Variants in SKA3 observed in about 807,000 individuals in gnomAD.
SKA3 encodes spindle and kinetochore associated complex subunit 3, also known as spindle and kinetochore-associated protein 3.
Under a neutral mutation model 44.2 loss-of-function variants are expected in SKA3, and 39 were observed. The ratio of observed to expected loss-of-function variants is 0.88; its 90% confidence interval spans 0.68 to 1.15. SKA3 has a LOEUF of 1.15. Ranked by LOEUF, SKA3 falls within the 50% of genes most tolerant of loss-of-function variation. The pLI is 0.00. For missense variants in SKA3, 511 were observed against 485.8 expected, an observed-to-expected ratio of 1.05 and a Z score of -0.49; for synonymous variants, 192 against 172.0, an observed-to-expected ratio of 1.12 and a Z score of -0.91.
chr13:21,161,721 G>A, intron 5 of SKA3, 69 bp downstream of exon 5: 2 of 949,784 alleles, frequency 2.1e-6, no homozygotes, highest in South Asian at 3.9e-5. Flanking sequence ...CTAAGATGAT[G>A]AAATCAATTT....
chr13:21,163,663 C>T (rs1229727298), intron 4 of SKA3, among the ~76,000 whole-genome samples: 1 of 152,130 alleles, frequency 6.6e-6, no homozygotes, highest in Non-Finnish European at 1.5e-5. Flanking sequence ...AAATATGCAT[C>T]TGGATAGTTG....
At chr13:21,161,718 G>T in intron 5 of SKA3, 72 bp downstream of exon 5, 1 of 910,944 alleles carries the variant, frequency 1.1e-6, no homozygotes, top group South Asian at 2.0e-5. Context: ...TGTCTAAGAT[G>T]ATGAAATCAA....
chr13:21,173,324 T>A (rs1283840573), intron 1 of SKA3, among the ~76,000 whole-genome samples: 1 of 152,218 alleles, frequency 6.6e-6, no homozygotes, highest in East Asian at 1.9e-4. Flanking sequence ...TGGTGCGATC[T>A]TGGCTCACTG....
intron 1 of SKA3, 145 bp from the exon 2 acceptor site, chr13:21,172,826 T>A (rs755441216): frequency 2.0e-5 from 7 of 346,482 alleles, no homozygotes; most frequent in Non-Finnish European, 5.3e-6. Flanking sequence ...GATAATACCA[T>A]ATTTTTTACC....
chr13:21,172,228 A>T, intron 3 of SKA3, 111 bp downstream of exon 3: 1 of 592,918 alleles, frequency 1.7e-6, no homozygotes, highest in South Asian at 3.1e-5. Flanking sequence ...TAAGCGTCAG[A>T]TAACAACAGA....
intron 1 of SKA3, 98 bp from the exon 2 acceptor site, chr13:21,172,779 G>A: frequency 1.5e-6 from 1 of 676,386 alleles, no homozygotes; most frequent in Non-Finnish European, 2.4e-6. Flanking sequence ...TAATGACATT[G>A]GTCAATCACA....
intron 4 of SKA3, 62 bp downstream of exon 4, chr13:21,167,926 A>G: frequency 2.6e-6 from 3 of 1,162,006 alleles, no homozygotes; most frequent in Non-Finnish European, 3.2e-6. Flanking sequence ...TGGAAAAAAA[A>G]TCAATAAATA....
chr13:21,155,250 A>ATAT, intron 8 of SKA3, 100 bp from the exon 9 acceptor site: 3 of 841,402 alleles, frequency 3.6e-6, no homozygotes, highest in Non-Finnish European at 5.1e-6. Context: ...CTTATAAAAT[A>ATAT]ATTGAGGATA....
chr13:21,160,060 A>C, intron 5 of SKA3, 73 bp from the exon 6 acceptor site: 308 of 895,244 alleles, frequency 3.4e-4, no homozygotes, highest in Non-Finnish European at 4.5e-4. Context: ...AGAAAATCTC[A>C]TATTTACATA....
At position 21,166,952 on chromosome 13, in the gene SKA3, A is replaced by G. The variant is rs182647260; in HGVS notation, c.743+1036T>C. ...TTTGTTATCCTTCTTTAATAGTAAC[A>G]GTTTTTAATGATAAGTATTTATCTA... On this transcript the variant is annotated intron_variant, in intron 4 of 8. Transcript: ENST00000314759. 1.4e-3 allele frequency among the ~76,000 whole-genome samples: 219 copies of G among 152,222 alleles called. 2 individuals are homozygous for G. The highest frequency in any genetic ancestry group is 5.2e-3 in the African/African-American group (215 of 41,534).
chr13:21,168,060 C>T lies in SKA3; in HGVS notation c.671G>A (p.Gly224Asp). ...TAAACACATAGTATATTCAGAGATA[C>T]CAAAGTGTTCTAATTTAGGAGTTAC... is the stretch of plus-strand genomic sequence containing the variant. ...ECVTPKLEHF[G>D]ISEYTMCLNE... The change falls in exon 4 of 9, where the codon GGT (glycine) becomes GAT (aspartate). Residue 224 changes from glycine (G) to aspartate (D), a missense_variant. Coordinates refer to ENST00000314759, the MANE Select transcript of SKA3 (RefSeq NM_145061.6). The T allele has an allele frequency of 6.2e-7, 1 of 1,613,626 alleles. No individual in the cohort carries two copies. Among genetic ancestry groups the T allele is most frequent in the Non-Finnish European group, 8.5e-7 (1 of 1,179,786 alleles).
At chr13:21,175,338 CG>C (rs1431978317) in intron 1 of SKA3, among the ~76,000 whole-genome samples, 1 of 150,312 alleles carries the variant, frequency 6.7e-6, no homozygotes, top group East Asian at 2.0e-4. Flanking sequence ...AGTGCAGTGG[CG>C]GATCTCGGCT....
intron 1 of SKA3, 57 bp downstream of exon 1, chr13:21,176,318 G>A (rs1002551593): frequency 3.9e-6 from 5 of 1,275,884 alleles, no homozygotes; most frequent in African/African-American, 3.1e-5. Context: ...CACTCGCCAC[G>A]CCCCTCCGCC....
In SKA3 at chr13:21,159,937, A is replaced by G; in HGVS notation, c.880T>C (p.Leu294=). Residue 294 remains leucine, a synonymous_variant, in exon 6 of 9, where the codon TTG becomes CTG. Coordinates refer to ENST00000314759, the MANE Select transcript of SKA3 (RefSeq NM_145061.6). The part of the protein sequence containing the change: ...PLVPTFCTPG[L]KIPSTKNSIA... ...CTGTTCTTTGTAGATGGAATTTTCA[A>G]ACCAGGAGTACAGAATGTAGGTACC... 1.2e-6 allele frequency: 2 copies of G among 1,609,108 alleles called. No individual in the cohort carries two copies. Among genetic ancestry groups the G allele is most frequent in the Non-Finnish European group, 1.7e-6 (2 of 1,178,212 alleles).
chr13:21,160,721 ACTC>A (rs1186447615), intron 5 of SKA3, among the ~76,000 whole-genome samples: 2 of 152,122 alleles, frequency 1.3e-5, no homozygotes, highest in African/African-American at 4.8e-5. Context: ...TGGCAATTCT[ACTC>A]CTAGATATGA....
intron 4 of SKA3, among the ~76,000 whole-genome samples, chr13:21,163,640 A>G (rs1419999409): frequency 6.6e-6 from 1 of 152,144 alleles, no homozygotes; most frequent in African/African-American, 2.4e-5. Flanking sequence ...AAACATCTGG[A>G]TATGTTTTAG....
Position 21,168,144 on chromosome 13 carries a change from G to A in SKA3, c.587C>T (p.Ser196Leu), listed in dbSNP as rs1264140660. Residue 196 changes from serine to leucine, a missense_variant, in exon 4 of 9, where the codon TCA (serine) becomes TTA (leucine). Transcript: ENST00000314759. The part of the protein sequence containing the change: ...PVIVTPPTKQ[S>L]LVKVLKTPKC... The stretch of plus-strand genomic sequence containing the variant: ...TGGAGTTTTTAGTACTTTTACTAGT[G>A]ATTGTTTGGTAGGTGGGGTTACAAT... 5 of 1,614,146 alleles carry A rather than the reference G, an allele frequency of 3.1e-6. No individual in the cohort carries two copies. Among genetic ancestry groups the A allele is most frequent in the South Asian group, 1.1e-5 (1 of 91,088 alleles).
chr13:21,169,338 T>C (rs2137377198), intron 3 of SKA3, among the ~76,000 whole-genome samples: 1 of 152,256 alleles, frequency 6.6e-6, no homozygotes, highest in East Asian at 1.9e-4. Context: ...AAGCTGGGAC[T>C]ATAGGCACGC....
At chr13:21,170,877 A>T (rs1480350382) in intron 3 of SKA3, among the ~76,000 whole-genome samples, 1 of 151,872 alleles carries the variant, frequency 6.6e-6, no homozygotes, top group African/African-American at 2.4e-5. Context: ...CTATGATTCC[A>T]CGTGGGGGGT....
Sources: allele counts gnomAD v4.1 joint callset (sites outside exome capture counted in the v4.1 genomes callset), GRCh38; gene constraint gnomAD v4.1.1; transcripts MANE v1.5; gene names NCBI Gene and HGNC (gene_info 2026-07-23, HGNC 2026-07-21).